Variants in CSMD3 observed in about 807,000 individuals in gnomAD.
CSMD3 encodes CUB and Sushi multiple domains 3, also known as CUB and sushi domain-containing protein 3.
In CSMD3, 177 loss-of-function variants were observed where a neutral mutation model predicts 435.2. That is an observed-to-expected ratio of 0.41 (90% CI 0.36 to 0.46). The LOEUF (loss-of-function observed/expected upper bound fraction) is 0.46, where lower values mean the gene tolerates loss of function less well. Ranked by LOEUF, CSMD3 falls within the 20% of genes least tolerant of loss-of-function variation. CSMD3 has a pLI of 0.34. For missense variants in CSMD3, 4,265 were observed against 4,504.6 expected (o/e 0.95, Z 1.52); for synonymous variants, 1,656 against 1,520.5 (o/e 1.09, Z -2.07).
At chr8:112,374,418 C>T (rs1349144519) in intron 38 of CSMD3, among the ~76,000 whole-genome samples, 1 of 151,976 alleles carries the variant, frequency 6.6e-6, no homozygotes, top group African/African-American at 2.4e-5. Context: ...TTTAGGGCCA[C>T]TGACTTTGTT....
At chr8:112,656,484 T>C in intron 17 of CSMD3, 143 bp from the exon 18 acceptor site, 3 of 580,582 alleles carry the variant, frequency 5.2e-6, no homozygotes, top group Non-Finnish European at 8.8e-6. Flanking sequence ...ATATCTAAGA[T>C]ATCATTTAAG....
chr8:113,427,173 G>A (rs1210360579), intron 1 of CSMD3, among the ~76,000 whole-genome samples: 1 of 151,316 alleles, frequency 6.6e-6, no homozygotes, highest in Non-Finnish European at 1.5e-5. Context: ...AAGTAATATA[G>A]TTACATATGA....
At chr8:113,220,819 A>G (rs1207736158) in intron 3 of CSMD3, among the ~76,000 whole-genome samples, 1 of 151,424 alleles carries the variant, frequency 6.6e-6, no homozygotes, top group Non-Finnish European at 1.5e-5. Flanking sequence ...ATTAAAAGGA[A>G]CATTGCCACT....
chr8:113,113,849 A>G (rs552845426), intron 4 of CSMD3, among the ~76,000 whole-genome samples: 43 of 152,320 alleles, frequency 2.8e-4, no homozygotes, highest in African/African-American at 1.0e-3. Flanking sequence ...TGGAAAAGAT[A>G]ATTTCTACCC....
intron 11 of CSMD3, among the ~76,000 whole-genome samples, chr8:112,844,119 A>G (rs1440970231): frequency 6.6e-6 from 1 of 151,968 alleles, no homozygotes; most frequent in Non-Finnish European, 1.5e-5. Context: ...TAGGAGGATT[A>G]AGTGAGAAGA....
chr8:113,365,602 A>G (rs2094306092), intron 1 of CSMD3, among the ~76,000 whole-genome samples: 1 of 152,080 alleles, frequency 6.6e-6, no homozygotes, highest in Non-Finnish European at 1.5e-5. Flanking sequence ...TTTTAATTCA[A>G]TATTTATAAA....
At chr8:113,221,821 C>A (rs2132132873) in intron 3 of CSMD3, among the ~76,000 whole-genome samples, 1 of 151,366 alleles carries the variant, frequency 6.6e-6, no homozygotes, top group Non-Finnish European at 1.5e-5. Context: ...ATCCCTTAAA[C>A]TGATTTATTT....
intron 27 of CSMD3, among the ~76,000 whole-genome samples, chr8:112,541,774 A>G (rs1220462069): frequency 2.0e-5 from 3 of 151,980 alleles, no homozygotes; most frequent in Non-Finnish European, 2.9e-5. Flanking sequence ...AAAATTTCCA[A>G]ATTAATTTTG....
intron 32 of CSMD3, among the ~76,000 whole-genome samples, chr8:112,448,386 C>T (rs1256526997): frequency 6.6e-6 from 1 of 152,140 alleles, no homozygotes; most frequent in Non-Finnish European, 1.5e-5. Context: ...CCACTCATAG[C>T]AGGGTGAGCC....
chr8:112,380,859 T>C (rs951304466), intron 37 of CSMD3, among the ~76,000 whole-genome samples: 1 of 152,202 alleles, frequency 6.6e-6, no homozygotes, highest in African/African-American at 2.4e-5. Context: ...ATGTTTGCAA[T>C]GATTGCTTTC....
intron 16 of CSMD3, among the ~76,000 whole-genome samples, chr8:112,673,367 C>T (rs1159631836): frequency 6.6e-6 from 1 of 151,970 alleles, no homozygotes; most frequent in African/African-American, 2.4e-5. Flanking sequence ...ATAACTACTT[C>T]TATCCCTCCC....
chr8:113,105,867 T>C (rs1481562027), intron 4 of CSMD3, among the ~76,000 whole-genome samples: 1 of 118,350 alleles, frequency 8.4e-6, no homozygotes, highest in Admixed American at 9.9e-5. Flanking sequence ...AAATTCACAA[T>C]GTTCAATATA....
intron 53 of CSMD3, among the ~76,000 whole-genome samples, chr8:112,300,903 A>G (rs898841213): frequency 6.6e-6 from 1 of 152,174 alleles, no homozygotes; most frequent in African/African-American, 2.4e-5. Context: ...CATGTGTCAT[A>G]TTCTTAAACA....
intron 42 of CSMD3, among the ~76,000 whole-genome samples, chr8:112,340,018 T>G (rs1824947025): frequency 6.6e-6 from 1 of 152,164 alleles, no homozygotes; most frequent in African/African-American, 2.4e-5. Flanking sequence ...ACTGAAAATA[T>G]CAGAGTTAAT....
At chr8:113,253,377 C>T (rs562301524) in intron 3 of CSMD3, among the ~76,000 whole-genome samples, 2 of 152,200 alleles carry the variant, frequency 1.3e-5, no homozygotes, top group East Asian at 3.9e-4. Context: ...ATCCCTCCCT[C>T]CTCTCCCCAC....
At chr8:113,134,258 C>T (rs1336251127) in intron 4 of CSMD3, among the ~76,000 whole-genome samples, 2 of 152,052 alleles carry the variant, frequency 1.3e-5, no homozygotes, top group Non-Finnish European at 2.9e-5. Flanking sequence ...CCTTCTACTA[C>T]TCCTTTCTGT....
intron 13 of CSMD3, among the ~76,000 whole-genome samples, chr8:112,722,257 A>C (rs1365642525): frequency 2.0e-5 from 3 of 152,106 alleles, no homozygotes; most frequent in Non-Finnish European, 4.4e-5. Flanking sequence ...ATAACAAACA[A>C]ATGCAATGAG....
chr8:112,429,593 G>T (rs759979113), intron 32 of CSMD3, among the ~76,000 whole-genome samples: 19 of 152,122 alleles, frequency 1.2e-4, no homozygotes, highest in Non-Finnish European at 2.5e-4. Context: ...TTACTAGTAT[G>T]AAAAGCTGTA....
chr8:112,929,277 A>T (rs2083020948), intron 9 of CSMD3, among the ~76,000 whole-genome samples: 1 of 150,158 alleles, frequency 6.7e-6, no homozygotes, highest in Admixed American at 6.7e-5. Context: ...ACCTAATGCT[A>T]GATGACGAGT....
Sources: gnomAD v4.1 joint callset for allele counts (sites outside exome capture counted in the v4.1 genomes callset) on GRCh38, gnomAD v4.1.1 for gene constraint, MANE v1.5 for transcripts, NCBI Gene and HGNC (gene_info 2026-07-23, HGNC 2026-07-21) for gene names.